The following NELL2 variants were observed in gnomAD, a reference collection of about 807,000 sequenced individuals.
NELL2 encodes the protein protein kinase C-binding protein NELL2.
In NELL2, 41 loss-of-function variants were observed where a neutral mutation model predicts 109.6. The ratio of observed to expected loss-of-function variants is 0.37; its 90% confidence interval spans 0.29 to 0.49. NELL2 has a LOEUF of 0.49. Among genes scored for constraint, NELL2 ranks in the 20% least tolerant of loss-of-function variants. The pLI is 0.98. For synonymous variants in NELL2, 355 were observed against 344.7 expected (o/e 1.03, Z -0.33); for missense variants, 900 against 1,008.3 (o/e 0.89, Z 1.45).
At chr12:44,906,140 G>A (rs574747213) in intron 1 of NELL2, among the ~76,000 whole-genome samples, 1 of 152,070 alleles carries the variant, frequency 6.6e-6, no homozygotes, top group South Asian at 2.1e-4. Flanking sequence ...GAGCTATGAC[G>A]ATATCTTAGG....
chr12:44,906,171 G>C (rs2136886632), intron 1 of NELL2, among the ~76,000 whole-genome samples: 1 of 152,108 alleles, frequency 6.6e-6, no homozygotes, highest in South Asian at 2.1e-4. Context: ...TCTAGGCAGA[G>C]GGAATAGCAA....
chr12:44,754,292 G>GTA (rs1940784527), intron 9 of NELL2, among the ~76,000 whole-genome samples: 1 of 152,146 alleles, frequency 6.6e-6, no homozygotes, highest in South Asian at 2.1e-4. Flanking sequence ...TTACAATGAT[G>GTA]TATAGTCTCT....
chr12:44,808,125 T>C (rs1242604939), intron 3 of NELL2, among the ~76,000 whole-genome samples: 1 of 152,078 alleles, frequency 6.6e-6, no homozygotes, highest in African/African-American at 2.4e-5. Context: ...GGTTAGTCTA[T>C]GGGCTGCGGC....
In NELL2 at chr12:44,610,880, G is replaced by A. The variant is rs144387740; in HGVS notation, c.1535C>T (p.Pro512Leu). 3.3e-4 allele frequency: 528 copies of A among 1,613,026 alleles called. 1 individual carries two copies. The highest frequency in any genetic ancestry group is 1.6e-3 in the Admixed American group (95 of 59,926). ...TVGGHNCVCK[P>L]GYTGNGTTCK... is the part of the protein sequence containing the mutation. ...TGTCGTTCCATTCCCTGTATAGCCC[G>A]GCTTGCAAACACAGTTGTGTCCTCC... Residue 512 changes from proline (P) to leucine (L), a missense_variant, in exon 14 of 20, where the codon CCG becomes CTG. By Grantham distance (98) the Pro-to-Leu change is moderately conservative (BLOSUM62 -3). This residue lies in a region of NELL2 where 333 missense variants were observed against 432.3 expected (regional missense o/e 0.77). Transcript: ENST00000429094.
intron 2 of NELL2, among the ~76,000 whole-genome samples, chr12:44,819,498 G>T (rs1011781358): frequency 6.6e-6 from 1 of 152,240 alleles, no homozygotes; most frequent in African/African-American, 2.4e-5. Flanking sequence ...CAGGCATGTT[G>T]ATGAGGGAAG....
intron 9 of NELL2, among the ~76,000 whole-genome samples, chr12:44,750,741 G>A (rs556993024): frequency 3.9e-5 from 6 of 151,978 alleles, no homozygotes; most frequent in Admixed American, 6.6e-5. Context: ...TAGATATACC[G>A]CACATATCCA....
chr12:44,661,011 C>G (rs984924980), intron 13 of NELL2, among the ~76,000 whole-genome samples: 10 of 152,078 alleles, frequency 6.6e-5, no homozygotes, highest in African/African-American at 1.7e-4. Context: ...TCCACTAAAG[C>G]GTTAACTGAA....
intron 9 of NELL2, among the ~76,000 whole-genome samples, chr12:44,715,056 G>A (rs1566224123): frequency 6.6e-6 from 1 of 151,746 alleles, no homozygotes; most frequent in Non-Finnish European, 1.5e-5. Context: ...CCCACTTAGG[G>A]CATATTAAGT....
At chr12:44,597,064 A>G (rs150330267) in intron 15 of NELL2, among the ~76,000 whole-genome samples, 1 of 152,280 alleles carries the variant, frequency 6.6e-6, no homozygotes, top group Non-Finnish European at 1.5e-5. Flanking sequence ...CTAGACTCTG[A>G]TTGAACATGC....
chr12:44,840,077 C>T (rs562024304), intron 2 of NELL2, among the ~76,000 whole-genome samples: 1 of 152,304 alleles, frequency 6.6e-6, no homozygotes, highest in Admixed American at 6.5e-5. Context: ...CTTGAACTCC[C>T]CATATTTTTG....
intron 7 of NELL2, among the ~76,000 whole-genome samples, chr12:44,776,677 G>C (rs1941770048): frequency 6.6e-6 from 1 of 151,906 alleles, no homozygotes; most frequent in Admixed American, 6.6e-5. Context: ...AGCATTTATG[G>C]GACCATTTCT....
chr12:44,582,224 A>G (rs1944348415), intron 15 of NELL2, among the ~76,000 whole-genome samples: 1 of 152,138 alleles, frequency 6.6e-6, no homozygotes. Flanking sequence ...ATTCTAAGGA[A>G]TGGTAGCTCT....
chr12:44,784,204 T>C (rs1017195213), intron 3 of NELL2, among the ~76,000 whole-genome samples: 1 of 152,108 alleles, frequency 6.6e-6, no homozygotes, highest in African/African-American at 2.4e-5. Context: ...ACAGTTAACA[T>C]CATACTCAAT....
chr12:44,776,404 T>C (rs1025865165), intron 7 of NELL2, among the ~76,000 whole-genome samples: 4 of 152,204 alleles, frequency 2.6e-5, no homozygotes, highest in African/African-American at 9.7e-5. Context: ...AAATCAAAGG[T>C]TAATTCAAAA....
chr12:44,746,106 A>G (rs534013842), intron 9 of NELL2, among the ~76,000 whole-genome samples: 2 of 152,316 alleles, frequency 1.3e-5, no homozygotes, highest in South Asian at 4.1e-4. Context: ...AGAGATATAG[A>G]CCAATGGAAC....
chr12:44,517,399 CT>C (rs1442689973), intron 19 of NELL2, among the ~76,000 whole-genome samples: 1 of 151,186 alleles, frequency 6.6e-6, no homozygotes, highest in Admixed American at 6.6e-5. Flanking sequence ...CTCTCTCTCT[CT>C]CTCTCTCTCT....
chr12:44,866,838 A>C (rs1945015471), intron 2 of NELL2, among the ~76,000 whole-genome samples: 1 of 152,128 alleles, frequency 6.6e-6, no homozygotes, highest in African/African-American at 2.4e-5. Context: ...TGAGACTACT[A>C]TAAACAATTA....
intron 16 of NELL2, among the ~76,000 whole-genome samples, chr12:44,526,856 G>T (rs890813047): frequency 6.6e-6 from 1 of 152,168 alleles, no homozygotes; most frequent in Non-Finnish European, 1.5e-5. Context: ...ATGTGTGTGG[G>T]GGGCTCAGAA....
chr12:44,881,572 C>A (rs1230215228), intron 1 of NELL2, among the ~76,000 whole-genome samples: 1 of 151,808 alleles, frequency 6.6e-6, no homozygotes, highest in East Asian at 1.9e-4. Context: ...GAAGACAGAT[C>A]AATTAAAATT....
Sources: allele counts gnomAD v4.1 joint callset (sites outside exome capture counted in the v4.1 genomes callset), GRCh38; gene constraint gnomAD v4.1.1; regional missense constraint gnomAD v4.1.1; transcripts MANE v1.5; gene names NCBI Gene and HGNC (gene_info 2026-07-23, HGNC 2026-07-21).